AUTS2: variants seen among roughly 807,000 people sequenced by gnomAD.
The protein encoded by AUTS2 is activator of transcription and developmental regulator AUTS2.
Under a neutral mutation model 112.4 loss-of-function variants are expected in AUTS2, and 17 were observed. The observed-to-expected ratio is 0.15, with a 90% CI of 0.10 to 0.23. AUTS2 has a LOEUF of 0.23. Among genes scored for constraint, AUTS2 ranks in the 10% least tolerant of loss-of-function variants. The probability of loss-of-function intolerance (pLI) is 1.00; values close to 1 mark genes in which losing one functional copy is unlikely to be tolerated. For synonymous variants in AUTS2, 751 were observed against 702.7 expected, an observed-to-expected ratio of 1.07 and a Z score of -1.09; for missense variants, 1,510 against 1,701.6, an observed-to-expected ratio of 0.89 and a Z score of 1.98.
chr7:70,044,624 T>C (rs969314831), intron 2 of AUTS2, among the ~76,000 whole-genome samples: 2 of 152,218 alleles, frequency 1.3e-5, no homozygotes, highest in Non-Finnish European at 2.9e-5. Context: ...GTGTACTTAA[T>C]TGATGAGTAA....
In AUTS2 at chr7:70,491,860, C is replaced by T. The variant is rs1798260353; in HGVS notation, c.690+56079C>T. ...TACGTCCTGACCTCAGGTAATCCGC[C>T]CGCCTCGGCCTCCCAGAGTGCTGGG... On this transcript the variant is annotated intron_variant, in intron 5 of 18. Coordinates refer to ENST00000342771, the MANE Select transcript of AUTS2 (RefSeq NM_015570.4). Among the ~76,000 whole-genome samples, 3 of 152,194 alleles carry T rather than the reference C, an allele frequency of 2.0e-5. No homozygotes were observed. In the South Asian group the frequency reaches 6.2e-4, roughly 32 times the overall value.
chr7:70,065,712 A>AT (rs1403374653), intron 2 of AUTS2, among the ~76,000 whole-genome samples: 3 of 151,910 alleles, frequency 2.0e-5, no homozygotes, highest in Non-Finnish European at 4.4e-5. Flanking sequence ...AAATATATAT[A>AT]TATTATTATT....
intron 1 of AUTS2, among the ~76,000 whole-genome samples, chr7:69,670,138 A>G (rs1796249999): frequency 6.6e-6 from 1 of 152,116 alleles, no homozygotes; most frequent in South Asian, 2.1e-4. Context: ...TTCTTCTTTA[A>G]GGTTGAGTCT....
chr7:70,269,980 A>G (rs897855606), intron 4 of AUTS2, among the ~76,000 whole-genome samples: 2 of 152,176 alleles, frequency 1.3e-5, no homozygotes, highest in Non-Finnish European at 2.9e-5. Flanking sequence ...TTGAGGCTGC[A>G]GTGGGCTATG....
chr7:70,616,838 C>T (rs1184552157), intron 5 of AUTS2, among the ~76,000 whole-genome samples: 1 of 146,602 alleles, frequency 6.8e-6, no homozygotes, highest in Non-Finnish European at 1.5e-5. Context: ...AATGATGGCA[C>T]TATTGATGGA....
chr7:69,859,434 G>T (rs1792878135), intron 1 of AUTS2, among the ~76,000 whole-genome samples: 2 of 152,208 alleles, frequency 1.3e-5, no homozygotes, highest in South Asian at 4.1e-4. Flanking sequence ...CTCAGAATTT[G>T]ATGAAGTGTT....
intron 5 of AUTS2, among the ~76,000 whole-genome samples, chr7:70,509,385 T>C (rs1026660887): frequency 2.6e-5 from 4 of 152,124 alleles, no homozygotes; most frequent in African/African-American, 9.7e-5. Flanking sequence ...GGGAGGAAGG[T>C]TGGGAAAGTA....
In AUTS2 at chr7:70,716,890, G is replaced by A. The variant is rs564401261; in HGVS notation, c.742+18270G>A. Among the ~76,000 whole-genome samples, 42 of 151,752 alleles carry A rather than the reference G, an allele frequency of 2.8e-4. No homozygotes were observed. The South Asian group carries it at 2.9e-3, about 11-fold the overall frequency. On this transcript the variant is annotated intron_variant, in intron 6 of 18. Coordinates refer to ENST00000342771, the MANE Select transcript of AUTS2 (RefSeq NM_015570.4). ...TAAGACGTAACCTCCCACAAAATGA[G>A]ATTTATAGAATTGGGTATATGTCTA...
At chr7:70,565,250 G>C (rs1234874270) in intron 5 of AUTS2, among the ~76,000 whole-genome samples, 3 of 152,182 alleles carry the variant, frequency 2.0e-5, no homozygotes, top group African/African-American at 7.2e-5. Flanking sequence ...TGGAAAGGTG[G>C]GAGTAGTGGG....
chr7:70,047,722 C>G (rs1433412796), intron 2 of AUTS2, among the ~76,000 whole-genome samples: 2 of 152,044 alleles, frequency 1.3e-5, no homozygotes, highest in African/African-American at 4.8e-5. Context: ...AGTATCTAAT[C>G]AAGATATGGG....
chr7:70,481,478 G>A (rs1797784656), intron 5 of AUTS2, among the ~76,000 whole-genome samples: 1 of 152,126 alleles, frequency 6.6e-6, no homozygotes, highest in African/African-American at 2.4e-5. Context: ...AGCAGTCAAG[G>A]GAGTAGGTCC....
At chr7:70,384,315 A>G (rs564890802) in intron 4 of AUTS2, among the ~76,000 whole-genome samples, 1 of 152,374 alleles carries the variant, frequency 6.6e-6, no homozygotes, top group East Asian at 1.9e-4. Flanking sequence ...CAGCACTGAC[A>G]GGGAACATAC....
intron 5 of AUTS2, among the ~76,000 whole-genome samples, chr7:70,528,505 A>T (rs535534427): frequency 6.6e-6 from 1 of 152,290 alleles, no homozygotes; most frequent in African/African-American, 2.4e-5. Context: ...GCATTATAGA[A>T]ATTAGACTGA....
intron 4 of AUTS2, among the ~76,000 whole-genome samples, chr7:70,318,049 T>G (rs551743803): frequency 1.3e-5 from 2 of 152,148 alleles, no homozygotes; most frequent in East Asian, 3.9e-4. Context: ...TCTTATTCAC[T>G]GCGGCGTTTT....
chr7:69,602,777 A>G (rs557026795), intron 1 of AUTS2, among the ~76,000 whole-genome samples: 1 of 152,220 alleles, frequency 6.6e-6, no homozygotes, highest in Non-Finnish European at 1.5e-5. Context: ...CAGATTAAAA[A>G]CACACAATGG....
chr7:70,044,531 A>G (rs1326180105), intron 2 of AUTS2, among the ~76,000 whole-genome samples: 1 of 152,164 alleles, frequency 6.6e-6, no homozygotes, highest in East Asian at 1.9e-4. Flanking sequence ...TGTTTGTACT[A>G]GATGTTATTC....
intron 5 of AUTS2, among the ~76,000 whole-genome samples, chr7:70,621,838 CTTT>C (rs67123941): frequency 3.9e-4 from 26 of 66,810 alleles, no homozygotes; most frequent in African/African-American, 1.5e-3. Flanking sequence ...TAGTCATTCT[CTTT>C]TTTTTTTTTT....
chr7:70,496,433 A>G (rs1206294322), intron 5 of AUTS2, among the ~76,000 whole-genome samples: 1 of 130,536 alleles, frequency 7.7e-6, no homozygotes, highest in African/African-American at 3.0e-5. Flanking sequence ...CACATGTCAC[A>G]TCAGCATCGA....
intron 1 of AUTS2, among the ~76,000 whole-genome samples, chr7:69,810,579 T>C (rs1171053067): frequency 6.6e-6 from 1 of 151,882 alleles, no homozygotes; most frequent in Non-Finnish European, 1.5e-5. Context: ...GGGGATGGCA[T>C]TGGTGTGGGT....
Sources: gnomAD v4.1 joint callset for allele counts (sites outside exome capture counted in the v4.1 genomes callset) on GRCh38, gnomAD v4.1.1 for gene constraint, MANE v1.5 for transcripts, NCBI Gene and HGNC (gene_info 2026-07-23, HGNC 2026-07-21) for gene names.